The following STK31 variants were observed in gnomAD, a reference collection of about 807,000 sequenced individuals.
STK31 encodes the protein serine/threonine kinase 31, also known as serine/threonine-protein kinase 31.
STK31 carries 89 observed loss-of-function variants against 129.7 expected under a neutral mutation model. The ratio of observed to expected loss-of-function variants is 0.69; its 90% CI spans 0.58 to 0.82. The LOEUF is 0.82. Among genes scored for constraint, STK31 ranks in the 40% least tolerant of loss-of-function variants. The pLI is 0.00. For missense variants in STK31, 1,187 were observed against 1,176.4 expected, an observed-to-expected ratio of 1.01 and a Z score of -0.13; for synonymous variants, 448 against 395.3, an observed-to-expected ratio of 1.13 and a Z score of -1.58.
At chr7:23,783,858 T>G (rs1398971596) in intron 17 of STK31, among the ~76,000 whole-genome samples, 195 bp downstream of exon 17, 1 of 152,230 alleles carries the variant, frequency 6.6e-6, no homozygotes, top group South Asian at 2.1e-4. Context: ...TTATGTAAAT[T>G]TGCATTATCC....
intron 10 of STK31, among the ~76,000 whole-genome samples, chr7:23,759,897 A>G (rs1461579706): frequency 6.6e-6 from 1 of 152,164 alleles, no homozygotes; most frequent in Non-Finnish European, 1.5e-5. Context: ...TTTGAGGGAC[A>G]TTAGGCTTGT....
At chr7:23,821,665 A>G (rs955244331) in intron 23 of STK31, among the ~76,000 whole-genome samples, 2 of 151,990 alleles carry the variant, frequency 1.3e-5, no homozygotes, top group African/African-American at 4.8e-5. Flanking sequence ...GTATAGTCCC[A>G]TTTGTCTCTT....
At chr7:23,784,570 A>T (rs1440928179) in intron 17 of STK31, among the ~76,000 whole-genome samples, 3 of 152,098 alleles carry the variant, frequency 2.0e-5, no homozygotes, top group African/African-American at 7.2e-5. Context: ...AAAAGGTTTG[A>T]CTCATGGTTT....
chr7:23,782,488 A>AAG (rs1790997352), intron 16 of STK31, among the ~76,000 whole-genome samples: 2 of 150,802 alleles, frequency 1.3e-5, no homozygotes, highest in African/African-American at 4.9e-5. Context: ...AAAAAAAAAA[A>AAG]AAAAGAAAAG....
intron 14 of STK31, 134 bp downstream of exon 14, chr7:23,771,258 G>C: frequency 1.2e-6 from 1 of 804,116 alleles, no homozygotes; most frequent in South Asian, 3.6e-5. Context: ...AACTGGAAAT[G>C]GTGATTTTTG....
intron 20 of STK31, among the ~76,000 whole-genome samples, chr7:23,787,654 A>G (rs767118055): frequency 6.6e-6 from 1 of 151,942 alleles, no homozygotes; most frequent in Non-Finnish European, 1.5e-5. Flanking sequence ...CTGAGGTGGA[A>G]CAGTTTGATC....
Position 23,768,769 on chromosome 7 carries a change from A to G in STK31, c.1417-226A>G, listed in dbSNP as rs150965666. Among the ~76,000 whole-genome samples the G allele has an allele frequency of 5.6e-3, 851 of 152,300 alleles. 9 individuals are homozygous for G. The highest frequency in any genetic ancestry group is 0.019 in the African/African-American group (807 of 41,570). On this transcript the variant is annotated intron_variant, in intron 11 of 23. Transcript: ENST00000355870. Reference sequence around the variant, plus strand: ...AAACCATAAGGATATAAAGCTTTCTATTTGTAACTAATTCACTTAATAAAC... The same window carrying G: ...AAACCATAAGGATATAAAGCTTTCTGTTTGTAACTAATTCACTTAATAAAC...
Position 23,754,417 on chromosome 7 carries a change from G to A in STK31, c.1236G>A (p.Glu412=). 6.2e-7 allele frequency: 1 copy of A among 1,614,008 alleles called. No individual in the cohort carries two copies. Among genetic ancestry groups the A allele is most frequent in the East Asian group, 2.2e-5 (1 of 44,864 alleles). Residue 412 remains glutamate, a synonymous_variant, in exon 10 of 24, where the codon GAG becomes GAA. Coordinates refer to ENST00000355870, the MANE Select transcript of STK31 (RefSeq NM_031414.5). The stretch of plus-strand genomic sequence containing the variant: ...CTCCAGCTTCTTTGAATGGATTAGA[G>A]ATAATATGGGCAGAATACAGTCTGG... ...FTTPASLNGL[E]IIWAEYSLAQ...
intron 16 of STK31, among the ~76,000 whole-genome samples, chr7:23,781,730 T>A (rs1790937743): frequency 6.6e-6 from 1 of 152,188 alleles, no homozygotes. Flanking sequence ...TGGAAATAAC[T>A]GAAAATTGTA....
At chr7:23,775,400 A>T (rs1423146750) in intron 15 of STK31, among the ~76,000 whole-genome samples, 1 of 152,182 alleles carries the variant, frequency 6.6e-6, no homozygotes, top group Non-Finnish European at 1.5e-5. Context: ...ATAGCATTGA[A>T]TTTATAAATT....
chr7:23,754,195 C>A, intron 9 of STK31, 120 bp from the exon 10 acceptor site: 1 of 834,362 alleles, frequency 1.2e-6, no homozygotes, highest in South Asian at 3.0e-5. Context: ...TTAAAAGGTA[C>A]CCCTTCAAAG....
chr7:23,750,709 A>G (rs1412737184), intron 8 of STK31, among the ~76,000 whole-genome samples: 1 of 152,346 alleles, frequency 6.6e-6, no homozygotes. Flanking sequence ...TAATTTCCAC[A>G]AATTTGAAGA....
rs897067180 is a variant in STK31 at position 23,752,912 on chromosome 7, G to A, written c.1133+80G>A. 13 of 896,578 alleles carry A rather than the reference G, an allele frequency of 1.4e-5. No individual in the cohort carries two copies. The Admixed American group carries it at 2.6e-4, about 18-fold the overall frequency. The allele number at this position is 896,578 out of a possible 1,614,324, so 55.5% of individuals were successfully genotyped here. A position where few individuals can be genotyped will look rare whatever the true frequency, so the allele number is the denominator to read the frequency against. ...GGTGCTTTGTTTAAATTGTGTGCTT[G>A]CCATTTTTGCTTTAAAATTTAACCT... On this transcript the variant is annotated intron_variant, in intron 9 of 23. Coordinates refer to ENST00000355870, the MANE Select transcript of STK31 (RefSeq NM_031414.5).
At chr7:23,736,046 C>G (rs1420018224) in intron 7 of STK31, 150 bp downstream of exon 7, 1 of 612,450 alleles carries the variant, frequency 1.6e-6, no homozygotes, top group Non-Finnish European at 2.7e-6. Flanking sequence ...CAAATGTATT[C>G]CTCTCTGCTT....
At position 23,748,052 on chromosome 7, in the gene STK31, A is replaced by G. The variant is rs541480049; in HGVS notation, c.1018-4665A>G. 1.8e-4 allele frequency among the ~76,000 whole-genome samples: 28 copies of G among 152,352 alleles called. 1 individual carries two copies. In the South Asian group the frequency reaches 5.8e-3, roughly 32 times the overall value. On this transcript the variant is annotated intron_variant, in intron 8 of 23. Transcript: ENST00000355870. ...TAAGAAGCAAACTTAGATTATTAAT[A>G]TTAGTTTCTTTTCACTTCTAATATA...
chr7:23,812,795 A>G (rs1307025598), intron 22 of STK31, among the ~76,000 whole-genome samples: 1 of 151,970 alleles, frequency 6.6e-6, no homozygotes, highest in Non-Finnish European at 1.5e-5. Context: ...GAGTTGTTTC[A>G]CTTAAGATAA....
intron 4 of STK31, chr7:23,721,210 C>G (rs1362409950): frequency 3.1e-5 from 11 of 357,884 alleles, no homozygotes; most frequent in Non-Finnish European, 5.1e-5. Context: ...ATAATTCGCT[C>G]TGATGAAAGA....
rs1446550066 is a variant in STK31 at position 23,802,569 on chromosome 7, A to T, written c.2760+11623A>T. ...CACTCTGTCACCCAGGCTGGAGTGTACTGGCACAATCTTGGCTCACTGCAA... is the reference window on the plus strand; with the variant it reads ...CACTCTGTCACCCAGGCTGGAGTGTTCTGGCACAATCTTGGCTCACTGCAA... On this transcript the variant is annotated intron_variant, in intron 22 of 23. Coordinates refer to ENST00000355870, the MANE Select transcript of STK31 (RefSeq NM_031414.5). 2.6e-5 allele frequency among the ~76,000 whole-genome samples: 4 copies of T among 152,304 alleles called. No individual in the cohort carries two copies. In the East Asian group the frequency reaches 7.7e-4, roughly 29 times the overall value.
chr7:23,781,398 A>C (rs1230730623), intron 15 of STK31, 21 bp from the exon 16 acceptor site: 2 of 1,567,782 alleles, frequency 1.3e-6, no homozygotes, highest in Admixed American at 1.8e-5. Flanking sequence ...AATAAAAAAC[A>C]CTTTTTCTTT....
Sources: gnomAD v4.1 joint callset for allele counts (sites outside exome capture counted in the v4.1 genomes callset) on GRCh38, gnomAD v4.1.1 for gene constraint, MANE v1.5 for transcripts, NCBI Gene and HGNC (gene_info 2026-07-23, HGNC 2026-07-21) for gene names.